SPAG16: variants seen among roughly 807,000 people sequenced by gnomAD.
SPAG16 encodes sperm-associated antigen 16 protein.
A neutral mutation model predicts 80.4 loss-of-function variants in SPAG16; 86 were observed. That is an observed-to-expected ratio of 1.07 (90% confidence interval 0.90 to 1.28). The LOEUF (loss-of-function observed/expected upper bound fraction) is 1.28. Ranked by LOEUF, SPAG16 falls within the 50% of genes most tolerant of loss-of-function variation. SPAG16 has a pLI of 0.00. For synonymous variants in SPAG16, 294 were observed against 265.9 expected, an observed-to-expected ratio of 1.11 and a Z score of -1.03; for missense variants, 870 against 765.3, an observed-to-expected ratio of 1.14 and a Z score of -1.61.
intron 8 of SPAG16, among the ~76,000 whole-genome samples, chr2:213,368,521 C>T (rs1484573524): frequency 1.3e-5 from 2 of 152,152 alleles, no homozygotes; most frequent in Non-Finnish European, 2.9e-5. Flanking sequence ...GGGATGCCCT[C>T]TCTCACCACT....
chr2:213,576,115 G>T (rs1001965204), intron 10 of SPAG16, among the ~76,000 whole-genome samples: 2 of 152,074 alleles, frequency 1.3e-5, no homozygotes, highest in Admixed American at 6.6e-5. Flanking sequence ...TATAATGAAG[G>T]GGTCCTGTTT....
At chr2:213,988,080 T>C (rs2046106278) in intron 12 of SPAG16, among the ~76,000 whole-genome samples, 1 of 151,940 alleles carries the variant, frequency 6.6e-6, no homozygotes, top group Non-Finnish European at 1.5e-5. Flanking sequence ...TACTGTAAGA[T>C]AGATAAATAA....
At chr2:214,033,625 G>T (rs562250754) in intron 13 of SPAG16, among the ~76,000 whole-genome samples, 14 of 152,196 alleles carry the variant, frequency 9.2e-5, no homozygotes, top group African/African-American at 3.1e-4. Context: ...TTACCAAAAA[G>T]TTGTAAGAAT....
At chr2:214,389,117 A>C (rs1402355952) in intron 15 of SPAG16, among the ~76,000 whole-genome samples, 3 of 152,242 alleles carry the variant, frequency 2.0e-5, no homozygotes, top group Non-Finnish European at 2.9e-5. Context: ...ATACAAAGGC[A>C]TATGTAACCC....
chr2:213,780,467 A>G (rs1289838921), intron 10 of SPAG16, among the ~76,000 whole-genome samples: 5 of 151,274 alleles, frequency 3.3e-5, no homozygotes, highest in African/African-American at 7.3e-5. Flanking sequence ...TATTTTCTGG[A>G]CCTAATGTTT....
chr2:214,150,876 G>T (rs553834212), intron 15 of SPAG16, among the ~76,000 whole-genome samples: 1 of 151,968 alleles, frequency 6.6e-6, no homozygotes, highest in Non-Finnish European at 1.5e-5. Flanking sequence ...TGTCATACAG[G>T]TCAGTGTGAT....
chr2:213,746,682 C>A (rs2662670), intron 10 of SPAG16, among the ~76,000 whole-genome samples: 58,798 of 151,930 alleles, frequency 0.39, 12,148 homozygotes, highest in East Asian at 0.51. Flanking sequence ...TGGTGCGTGC[C>A]TGTAGTCCCA....
intron 15 of SPAG16, among the ~76,000 whole-genome samples, chr2:214,292,629 A>T (rs1433831570): frequency 2.0e-5 from 3 of 151,906 alleles, no homozygotes; most frequent in Admixed American, 2.0e-4. Context: ...CAGCATTTTG[A>T]ATTACTTTTC....
chr2:214,191,660 T>A (rs756125031), intron 15 of SPAG16, among the ~76,000 whole-genome samples: 9 of 133,486 alleles, frequency 6.7e-5, no homozygotes, highest in African/African-American at 2.6e-4. Flanking sequence ...GTTGCAGTGA[T>A]CCAAGATCAT....
At chr2:214,065,875 G>A (rs1191496786) in intron 13 of SPAG16, among the ~76,000 whole-genome samples, 1 of 152,074 alleles carries the variant, frequency 6.6e-6, no homozygotes, top group Non-Finnish European at 1.5e-5. Flanking sequence ...TTTGACTTCT[G>A]TTTGACCAGC....
chr2:214,286,813 T>C (rs946287104), intron 15 of SPAG16, among the ~76,000 whole-genome samples: 5 of 152,162 alleles, frequency 3.3e-5, no homozygotes, highest in African/African-American at 1.2e-4. Context: ...ATTCTCTGGC[T>C]GCATTAGAAT....
intron 11 of SPAG16, among the ~76,000 whole-genome samples, chr2:213,890,497 G>GA (rs915164909): frequency 6.6e-6 from 1 of 151,892 alleles, no homozygotes; most frequent in Non-Finnish European, 1.5e-5. Context: ...TAGGTAATGG[G>GA]AAAAAAGTGT....
At chr2:213,463,689 A>G (rs147129516) in intron 9 of SPAG16, among the ~76,000 whole-genome samples, 6,004 of 152,364 alleles carry the variant, frequency 0.039, 392 homozygotes, top group African/African-American at 0.14. Flanking sequence ...GATGTATGGA[A>G]ATGCCTGGAT....
At chr2:213,344,536 C>T (rs1482359489) in intron 6 of SPAG16, among the ~76,000 whole-genome samples, 1 of 152,160 alleles carries the variant, frequency 6.6e-6, no homozygotes, top group Non-Finnish European at 1.5e-5. Context: ...CCACTTCCCA[C>T]ACCCCACAAC....
At chr2:213,606,604 A>C (rs548538829) in intron 10 of SPAG16, among the ~76,000 whole-genome samples, 92 of 152,320 alleles carry the variant, frequency 6.0e-4, no homozygotes, top group African/African-American at 2.1e-3. Flanking sequence ...TGGTGCAGTT[A>C]CCAAATATCC....
intron 12 of SPAG16, among the ~76,000 whole-genome samples, chr2:213,943,481 AAC>A (rs1430715879): frequency 6.6e-6 from 1 of 152,178 alleles, no homozygotes; most frequent in African/African-American, 2.4e-5. Flanking sequence ...AAAATTGGGA[AAC>A]ATGTTATTGG....
intron 12 of SPAG16, among the ~76,000 whole-genome samples, chr2:213,930,968 G>A (rs2078722063): frequency 6.6e-6 from 1 of 152,138 alleles, no homozygotes. Context: ...GGAGGACTGA[G>A]GTTCCGTTTT....
chr2:214,410,081 G>T, intron 15 of SPAG16, 59 bp from the exon 16 acceptor site: 1 of 1,584,712 alleles, frequency 6.3e-7, no homozygotes, highest in South Asian at 1.1e-5. Flanking sequence ...TATAAACTGT[G>T]AACACTTGAA....
intron 10 of SPAG16, among the ~76,000 whole-genome samples, chr2:213,555,854 C>T (rs73988544): frequency 0.078 from 11,922 of 151,962 alleles, 1,146 homozygotes; most frequent in African/African-American, 0.23. Flanking sequence ...TTTAGTATAA[C>T]GGTTGAAAGA....
Sources: allele counts gnomAD v4.1 joint callset (sites outside exome capture counted in the v4.1 genomes callset), GRCh38; gene constraint gnomAD v4.1.1; transcripts MANE v1.5; gene names NCBI Gene and HGNC (gene_info 2026-07-23, HGNC 2026-07-21).